CRACD: variants seen among roughly 807,000 people sequenced by gnomAD.
CRACD encodes capping protein-inhibiting regulator of actin dynamics.
CRACD carries 56 observed loss-of-function variants against 106.8 expected under a neutral mutation model. The ratio of observed to expected loss-of-function variants is 0.52; its 90% CI spans 0.42 to 0.66. The LOEUF (loss-of-function observed/expected upper bound fraction) is 0.66. CRACD is among the 30% of genes least tolerant of loss of function. The pLI is 0.00. For synonymous variants in CRACD, 754 were observed against 670.8 expected (o/e 1.12, Z -1.92); for missense variants, 1,730 against 1,623.2 (o/e 1.07, Z -1.13).
chr4:56,110,033 C>A (rs1734067479), intron 1 of CRACD, among the ~76,000 whole-genome samples: 1 of 152,090 alleles, frequency 6.6e-6, no homozygotes, highest in Non-Finnish European at 1.5e-5. Context: ...CATCCTGAAG[C>A]TTCCTGGTGT....
At chr4:56,080,451 T>G (rs1429267200) in intron 1 of CRACD, among the ~76,000 whole-genome samples, 1 of 152,228 alleles carries the variant, frequency 6.6e-6, no homozygotes, top group Non-Finnish European at 1.5e-5. Context: ...TTAAGGGTGT[T>G]TTATGACGCA....
intron 1 of CRACD, among the ~76,000 whole-genome samples, chr4:56,074,096 A>G (rs1577945994): frequency 6.6e-6 from 1 of 151,808 alleles, no homozygotes; most frequent in Non-Finnish European, 1.5e-5. Context: ...GTCTTGTAGT[A>G]TAGTTTGAAG....
At chr4:56,084,435 AAAACT>A (rs1194268849) in intron 1 of CRACD, among the ~76,000 whole-genome samples, 2 of 152,222 alleles carry the variant, frequency 1.3e-5, no homozygotes, top group Non-Finnish European at 2.9e-5. Context: ...TCTGTGAAAA[AAAACT>A]AAACTAGTTT....
At chr4:56,282,364 TCTC>T (rs1036023333) in intron 3 of CRACD, among the ~76,000 whole-genome samples, 2 of 152,148 alleles carry the variant, frequency 1.3e-5, no homozygotes, top group African/African-American at 2.4e-5. Context: ...CAGAAAGCCT[TCTC>T]CTTTTTTGGA....
intron 2 of CRACD, among the ~76,000 whole-genome samples, chr4:56,253,621 G>A (rs186939418): frequency 3.7e-4 from 57 of 152,284 alleles, no homozygotes; most frequent in Admixed American, 8.5e-4. Context: ...CATGTTAAAA[G>A]CAAAAAACAA....
intron 1 of CRACD, among the ~76,000 whole-genome samples, chr4:56,098,928 G>A (rs112687214): frequency 1.3e-5 from 2 of 152,140 alleles, no homozygotes; most frequent in Non-Finnish European, 2.9e-5. Context: ...CCCCACCTTG[G>A]CCTCCTAAAA....
At chr4:56,262,991 G>A (rs1430621286) in intron 2 of CRACD, among the ~76,000 whole-genome samples, 1 of 152,202 alleles carries the variant, frequency 6.6e-6, no homozygotes, top group East Asian at 1.9e-4. Flanking sequence ...CATCTGGTTT[G>A]TGTCAGGCAT....
chr4:56,231,551 A>G (rs904869894), intron 2 of CRACD, among the ~76,000 whole-genome samples: 1 of 152,178 alleles, frequency 6.6e-6, no homozygotes, highest in Non-Finnish European at 1.5e-5. Context: ...TATAGGACCA[A>G]TACTAATAAT....
At chr4:56,195,718 A>G (rs1191761781) in intron 2 of CRACD, among the ~76,000 whole-genome samples, 1 of 152,210 alleles carries the variant, frequency 6.6e-6, no homozygotes, top group Admixed American at 6.5e-5. Context: ...TGTAAGAATG[A>G]GTATCTGTGA....
At chr4:56,234,619 A>T (rs1739852513) in intron 2 of CRACD, among the ~76,000 whole-genome samples, 1 of 152,198 alleles carries the variant, frequency 6.6e-6, no homozygotes, top group Non-Finnish European at 1.5e-5. Context: ...GAAAATAGTG[A>T]AACAAAGCTT....
At chr4:56,259,580 G>C (rs1422808576) in intron 2 of CRACD, among the ~76,000 whole-genome samples, 1 of 152,166 alleles carries the variant, frequency 6.6e-6, no homozygotes, top group East Asian at 1.9e-4. Context: ...TGGAGTACTT[G>C]GTTACAGGTC....
chr4:56,075,058 CT>C (rs1193748814), intron 1 of CRACD, among the ~76,000 whole-genome samples: 4 of 152,108 alleles, frequency 2.6e-5, no homozygotes, highest in African/African-American at 9.7e-5. Context: ...GGTGGATAAG[CT>C]TTTTGATGTG....
At chr4:56,162,462 C>T (rs1388160419) in intron 1 of CRACD, among the ~76,000 whole-genome samples, 1 of 152,174 alleles carries the variant, frequency 6.6e-6, no homozygotes, top group Non-Finnish European at 1.5e-5. Flanking sequence ...CCACCTTGGC[C>T]TGCCAAAGCA....
intron 2 of CRACD, among the ~76,000 whole-genome samples, chr4:56,198,760 T>G (rs993003257): frequency 1.3e-5 from 2 of 152,088 alleles, no homozygotes; most frequent in Non-Finnish European, 2.9e-5. Flanking sequence ...CAATATAAAT[T>G]TGTGCTCTTA....
At chr4:56,295,396 ACTG>A (rs1212945713) in intron 3 of CRACD, among the ~76,000 whole-genome samples, 4 of 151,980 alleles carry the variant, frequency 2.6e-5, no homozygotes, top group Non-Finnish European at 5.9e-5. Flanking sequence ...AATTACTACT[ACTG>A]CTATTATTAC....
At chr4:56,062,921 T>C (rs888785872) in intron 1 of CRACD, among the ~76,000 whole-genome samples, 3 of 152,206 alleles carry the variant, frequency 2.0e-5, no homozygotes, top group African/African-American at 7.2e-5. Flanking sequence ...TTGTTTACAG[T>C]CCCTGCTGTA....
rs764712279 is a variant in CRACD, at chr4:56,316,232, G to A, written c.2730G>A (p.Arg910=). 3 of 1,613,892 alleles carry A rather than the reference G, an allele frequency of 1.9e-6. No individual in the cohort carries two copies. Among genetic ancestry groups the A allele is most frequent in the Non-Finnish European group, 1.7e-6 (2 of 1,179,884 alleles). The change falls in exon 8 of 11, where the codon CGG becomes CGA. Residue 910 remains arginine (R), a synonymous_variant. Coordinates refer to ENST00000682029, the MANE Select transcript of CRACD (RefSeq NM_001393381.1). ...LKHGPSLPQE[R]KQAPSTRRDS... is the part of the protein sequence containing the mutation. ...ATGGTCCATCCCTCCCCCAAGAGCG[G>A]AAGCAAGCCCCTTCCACCCGGAGGG...
At position 56,061,198 on chromosome 4, in the gene CRACD, T is replaced by C. The variant is rs565229888; in HGVS notation, c.-336+11899T>C. Among the ~76,000 whole-genome samples the C allele has an allele frequency of 8.5e-5, 13 of 152,160 alleles. 1 individual carries two copies. The highest frequency in any genetic ancestry group is 1.6e-4 in the Non-Finnish European group (11 of 68,020). On this transcript the variant is annotated intron_variant, in intron 1 of 10. Coordinates refer to ENST00000682029, the MANE Select transcript of CRACD (RefSeq NM_001393381.1). ...CACTCTCTCTTTTTTTGAGGCAAGG[T>C]CTTGCTCTGTCACCCAGGCTGGAGT...
chr4:56,106,553 A>G (rs1733954680), intron 1 of CRACD, among the ~76,000 whole-genome samples: 1 of 152,212 alleles, frequency 6.6e-6, no homozygotes, highest in African/African-American at 2.4e-5. Flanking sequence ...CATCCCTTTC[A>G]GTGTTAGCTA....
Sources: allele counts gnomAD v4.1 joint callset (sites outside exome capture counted in the v4.1 genomes callset), GRCh38; gene constraint gnomAD v4.1.1; transcripts MANE v1.5; gene names NCBI Gene and HGNC (gene_info 2026-07-23, HGNC 2026-07-21).